RHOQ: variants seen among roughly 807,000 people sequenced by gnomAD.
RHOQ encodes ras homolog family member Q.
A neutral mutation model predicts 25.8 loss-of-function variants in RHOQ; 7 were observed. The observed-to-expected ratio is 0.27, with a 90% CI of 0.15 to 0.51. The LOEUF (loss-of-function observed/expected upper bound fraction) is 0.51. Ranked by LOEUF, RHOQ falls within the 20% of genes least tolerant of loss-of-function variation. The probability of loss-of-function intolerance (pLI) is 0.97; values close to 1 mark genes in which losing one functional copy is unlikely to be tolerated. For synonymous variants in RHOQ, 97 were observed against 98.6 expected, an observed-to-expected ratio of 0.98 and a Z score of 0.10; for missense variants, 165 against 260.6, an observed-to-expected ratio of 0.63 and a Z score of 2.53.
intron 2 of RHOQ, chr2:46,560,835 T>C (rs1329407959): frequency 1.0e-5 from 2 of 195,798 alleles, no homozygotes; most frequent in Non-Finnish European, 2.2e-5. Context: ...TTTAGTTACA[T>C]TGCAGTCACC....
In RHOQ at chr2:46,542,979, T is replaced by C. The variant is rs1667876171; in HGVS notation, c.-68T>C. 3 of 1,254,106 alleles carry C rather than the reference T, an allele frequency of 2.4e-6. No homozygotes were observed. The highest frequency in any genetic ancestry group is 3.1e-6 in the Non-Finnish European group (3 of 972,700). The allele number at this position is 1,254,106 out of a possible 1,614,324, so 77.7% of individuals were successfully genotyped here. A position where few individuals can be genotyped will look rare whatever the true frequency, so the allele number is the denominator to read the frequency against. On this transcript the variant is annotated 5_prime_UTR_variant, in exon 1 of 5. Coordinates refer to ENST00000238738, the MANE Select transcript of RHOQ (RefSeq NM_012249.4). ...ACGGCGGCGGACCCCCCAGGCGGGC[T>C]GGGGCTGAGCCCGGGGCCGGGGCGG...
intron 2 of RHOQ, among the ~76,000 whole-genome samples, chr2:46,567,520 A>C (rs1668772173): frequency 6.6e-6 from 1 of 151,776 alleles, no homozygotes; most frequent in Non-Finnish European, 1.5e-5. Flanking sequence ...CAGCCTGCCA[A>C]GTAGCTGGGA....
chr2:46,545,980 T>TA (rs1289064906), intron 2 of RHOQ, among the ~76,000 whole-genome samples: 1 of 152,216 alleles, frequency 6.6e-6, no homozygotes, highest in South Asian at 2.1e-4. Flanking sequence ...TTTCACCCAA[T>TA]GCTGGACACC....
chr2:46,577,704 C>T (rs1006269833), intron 4 of RHOQ, among the ~76,000 whole-genome samples: 10 of 151,212 alleles, frequency 6.6e-5, no homozygotes, highest in African/African-American at 1.9e-4. Flanking sequence ...CATGAGCCAC[C>T]GCGCCCGGCC....
rs1668722051 is a variant in RHOQ at position 46,566,090 on chromosome 2, G to A, written c.202-9997G>A. On this transcript the variant is annotated intron_variant, in intron 2 of 4. Transcript: ENST00000238738. This position sits in a 1 kb window ranked among gnomAD's most constrained non-coding sequence, Gnocchi z 4.2. ...GGTGACTGCTTTAGTGTGTGTATTTGTGTTAGGGGTTGATCCTGAGAACTT... is the reference window on the plus strand; with the variant it reads ...GGTGACTGCTTTAGTGTGTGTATTTATGTTAGGGGTTGATCCTGAGAACTT... Among the ~76,000 whole-genome samples the A allele has an allele frequency of 2.0e-5, 3 of 152,210 alleles. No homozygotes were observed. In the South Asian group the frequency reaches 6.2e-4, roughly 32 times the overall value.
chr2:46,553,660 A>G (rs944315255), intron 2 of RHOQ, among the ~76,000 whole-genome samples: 6 of 151,564 alleles, frequency 4.0e-5, no homozygotes, highest in African/African-American at 1.5e-4. Flanking sequence ...GGCTCACTCA[A>G]CCTCCACCTC....
chr2:46,559,488 A>C (rs1187644785), intron 2 of RHOQ, among the ~76,000 whole-genome samples: 4 of 152,062 alleles, frequency 2.6e-5, no homozygotes, highest in Non-Finnish European at 4.4e-5. Flanking sequence ...GTTGACTCTG[A>C]GCTTCCCTGT....
chr2:46,548,396 A>AG lies in RHOQ; in HGVS notation c.201+4584_201+4585insG, dbSNP rs918778579. Among the ~76,000 whole-genome samples, 7 of 152,292 alleles carry AG rather than the reference A, an allele frequency of 4.6e-5. No individual in the cohort carries two copies. Among genetic ancestry groups the AG allele is most frequent in the African/African-American group, 1.7e-4 (7 of 41,566 alleles). On this transcript the variant is annotated intron_variant, in intron 2 of 4. Transcript: ENST00000238738. This position sits in a 1 kb window ranked among gnomAD's most constrained non-coding sequence, Gnocchi z 5.2. ...GGCATGATGAGAAAAGGGAAGGAGA[A>AG]AGGGCCATGGGATCACCACTCACCA...
At position 46,547,748 on chromosome 2, in the gene RHOQ, G is replaced by A. The variant is rs541895137; in HGVS notation, c.201+3936G>A. Among the ~76,000 whole-genome samples the A allele has an allele frequency of 2.6e-5, 4 of 152,302 alleles. No homozygotes were observed. In the East Asian group the frequency reaches 7.7e-4, roughly 29 times the overall value. ...GCCCAGCCTTCAGGACTTCAGTGTA[G>A]GCTCTGCAGCAACCCCATTGTCTGC... is the stretch of plus-strand genomic sequence containing the variant. On this transcript the variant is annotated intron_variant, in intron 2 of 4. Coordinates refer to ENST00000238738, the MANE Select transcript of RHOQ (RefSeq NM_012249.4).
intron 4 of RHOQ, among the ~76,000 whole-genome samples, chr2:46,577,683 AG>A (rs1669183276): frequency 6.8e-6 from 1 of 147,642 alleles, no homozygotes; most frequent in African/African-American, 2.5e-5. Flanking sequence ...CCAAAGTGCT[AG>A]GATTACAGGC....
At chr2:46,577,674 C>A (rs1408821468) in intron 4 of RHOQ, among the ~76,000 whole-genome samples, 2 of 150,378 alleles carry the variant, frequency 1.3e-5, no homozygotes, top group Non-Finnish European at 3.0e-5. Context: ...CTCATCCTCC[C>A]AAAGTGCTAG....
chr2:46,565,569 C>T (rs1668706512), intron 2 of RHOQ, among the ~76,000 whole-genome samples: 1 of 152,158 alleles, frequency 6.6e-6, no homozygotes, highest in African/African-American at 2.4e-5. Context: ...TGACATCTGG[C>T]CGAAAGTGAC....
chr2:46,573,817 T>C (rs560247088), intron 2 of RHOQ, among the ~76,000 whole-genome samples: 4 of 152,376 alleles, frequency 2.6e-5, no homozygotes, highest in Admixed American at 6.5e-5. Context: ...TTGGCTTTCT[T>C]AAATATAAAT....
intron 4 of RHOQ, among the ~76,000 whole-genome samples, chr2:46,578,286 T>C (rs34779766): frequency 0.063 from 9,534 of 152,212 alleles, 328 homozygotes; most frequent in Middle Eastern, 0.12. Flanking sequence ...CTTGACAGTA[T>C]GCAAAATCCT....
intron 2 of RHOQ, among the ~76,000 whole-genome samples, chr2:46,550,055 C>G (rs78937425): frequency 0.012 from 1,808 of 152,012 alleles, 36 homozygotes; most frequent in African/African-American, 0.043. Flanking sequence ...AACAAGACCC[C>G]CAATTCTACT....
At chr2:46,571,661 A>G (rs1668919556) in intron 2 of RHOQ, among the ~76,000 whole-genome samples, 2 of 152,130 alleles carry the variant, frequency 1.3e-5, no homozygotes, top group African/African-American at 2.4e-5. Context: ...CTGTCTTTTT[A>G]TATGTTTATA....
At chr2:46,543,536 TG>T (rs914924527) in intron 1 of RHOQ, 9 of 607,752 alleles carry the variant, frequency 1.5e-5, no homozygotes, top group Non-Finnish European at 2.7e-5. Flanking sequence ...CTACGGGACT[TG>T]GGAGAAGGGG....
intron 1 of RHOQ, 90 bp from the exon 2 acceptor site, chr2:46,543,664 G>C: frequency 1.3e-5 from 15 of 1,147,772 alleles, no homozygotes; most frequent in Non-Finnish European, 1.9e-5. Flanking sequence ...TAGCTGGGTT[G>C]GGAGAGGAGG....
rs79294192 is a variant in RHOQ, at chr2:46,559,843, C to T, written c.201+16031C>T. On this transcript the variant is annotated intron_variant, in intron 2 of 4. Coordinates refer to ENST00000238738, the MANE Select transcript of RHOQ (RefSeq NM_012249.4). Reference sequence around the variant, plus strand: ...AACCAGGAAAGAATCTTCTACTCTTCTGCCCGAGGGATTCATCCTGGGAGG... The same window carrying T: ...AACCAGGAAAGAATCTTCTACTCTTTTGCCCGAGGGATTCATCCTGGGAGG... Among the ~76,000 whole-genome samples, 586 of 152,300 alleles carry T rather than the reference C, an allele frequency of 3.8e-3. 8 individuals are homozygous for T. The South Asian group carries it at 0.041, about 11-fold the overall frequency.
Sources: gnomAD v4.1 joint callset for allele counts (sites outside exome capture counted in the v4.1 genomes callset) on GRCh38, gnomAD v4.1.1 for gene constraint, Gnocchi (gnomAD v3.1) non-coding constraint, MANE v1.5 for transcripts, NCBI Gene and HGNC (gene_info 2026-07-23, HGNC 2026-07-21) for gene names.